The following CLYBL variants were observed in gnomAD, a reference collection of about 807,000 sequenced individuals.
The protein encoded by CLYBL is citramalyl-CoA lyase, mitochondrial.
CLYBL carries 31 observed loss-of-function variants against 38.9 expected under a neutral mutation model. The observed-to-expected ratio is 0.80, with a 90% CI of 0.60 to 1.08. The LOEUF is 1.08. Among genes scored for constraint, CLYBL ranks in the 50% least tolerant of loss-of-function variants. CLYBL has a pLI of 0.00. For missense variants in CLYBL, 434 were observed against 411.6 expected (o/e 1.05, Z -0.47); for synonymous variants, 171 against 158.6 (o/e 1.08, Z -0.59).
rs374907881 is a variant in CLYBL, at chr13:99,606,736, C to T, written c.41C>T (p.Ala14Val). 7.0e-5 allele frequency: 104 copies of T among 1,485,828 alleles called. No homozygotes were observed. Among genetic ancestry groups the T allele is most frequent in the African/African-American group, 1.2e-4 (8 of 68,130 alleles). The allele number at this position is 1,485,828 out of a possible 1,614,324, so 92.0% of individuals were successfully genotyped here. Residue 14 changes from alanine (A) to valine (V), a missense_variant, in exon 1 of 9, where the codon GCG becomes GTG. Ala to Val is a moderately conservative substitution (Grantham distance 64, BLOSUM62 0). Coordinates refer to ENST00000339105, the MANE Select transcript of CLYBL (RefSeq NM_206808.5). ...RLLRRAARGA[A>V]AAALLRLKAS... ...CTGCGGAGGGCGGCGCGCGGAGCTG[C>T]GGCGGCGGCGCTGCTGAGGCTGTGA...
Position 99,762,773 on chromosome 13 carries a change from A to G in CLYBL, c.63-10051A>G, listed in dbSNP as rs35699728. On this transcript the variant is annotated intron_variant, in intron 1 of 8. Transcript: ENST00000339105. ...TGCTTTAAGTAGTCTTGTCATTTTA[A>G]TGATATTAAAGCTGTGAACATAGAT... Among the ~76,000 whole-genome samples, 469 of 152,308 alleles carry G rather than the reference A, an allele frequency of 3.1e-3. 1 individual carries two copies. The highest frequency in any genetic ancestry group is 0.016 in the South Asian group (76 of 4,820).
intron 1 of CLYBL, among the ~76,000 whole-genome samples, chr13:99,734,992 G>A (rs765189985): frequency 6.6e-6 from 1 of 152,028 alleles, no homozygotes; most frequent in Non-Finnish European, 1.5e-5. Context: ...CTATACCAGC[G>A]CATATATAAC....
chr13:99,870,765 GC>G (rs1264733172), intron 6 of CLYBL, among the ~76,000 whole-genome samples, 172 bp from the exon 7 acceptor site: 1 of 152,158 alleles, frequency 6.6e-6, no homozygotes, highest in Non-Finnish European at 1.5e-5. Context: ...TTCTGGAAAA[GC>G]CTGTCTGATT....
chr13:99,768,486 C>T (rs1427672648), intron 1 of CLYBL, among the ~76,000 whole-genome samples: 2 of 143,168 alleles, frequency 1.4e-5, no homozygotes, highest in African/African-American at 5.2e-5. Context: ...AGCCACTGCG[C>T]CCGACCTCTT....
intron 1 of CLYBL, among the ~76,000 whole-genome samples, chr13:99,687,315 A>G (rs569580964): frequency 6.6e-6 from 1 of 152,264 alleles, no homozygotes; most frequent in South Asian, 2.1e-4. Flanking sequence ...ACCTTTTACA[A>G]TCAGCTCTGT....
chr13:99,607,384 CAT>C (rs2046544138), intron 1 of CLYBL, among the ~76,000 whole-genome samples: 1 of 152,120 alleles, frequency 6.6e-6, no homozygotes, highest in Non-Finnish European at 1.5e-5. Flanking sequence ...GCTGGAGTCT[CAT>C]ATCAGCTGTT....
Position 99,865,351 on chromosome 13 carries a change from G to A in CLYBL, c.634+440G>A, listed in dbSNP as rs144650560. 6 of 244,572 alleles carry A rather than the reference G, an allele frequency of 2.5e-5. No individual in the cohort carries two copies. The highest frequency in any genetic ancestry group is 1.1e-4 in the African/African-American group (5 of 43,810). The allele number at this position is 244,572 out of a possible 1,614,324, so 15.2% of individuals were successfully genotyped here. A position where few individuals can be genotyped will look rare whatever the true frequency, so the allele number is the denominator to read the frequency against. ...ATGAATTGTTTTCTACAGAATATGCGGTAGGTAAATATTATTTTAAATGGA... is the reference window on the plus strand; with the variant it reads ...ATGAATTGTTTTCTACAGAATATGCAGTAGGTAAATATTATTTTAAATGGA... On this transcript the variant is annotated intron_variant, in intron 5 of 8. Coordinates refer to ENST00000339105, the MANE Select transcript of CLYBL (RefSeq NM_206808.5). The surrounding 1 kb of genome is among the most constrained non-coding windows in gnomAD (Gnocchi z 4.7).
chr13:99,759,742 A>G (rs2049131041), intron 1 of CLYBL, among the ~76,000 whole-genome samples: 1 of 152,202 alleles, frequency 6.6e-6, no homozygotes, highest in South Asian at 2.1e-4. Context: ...ATGAGCTTTC[A>G]TCTGTGAGAA....
At chr13:99,825,126 G>T (rs1433269385) in intron 2 of CLYBL, among the ~76,000 whole-genome samples, 1 of 152,204 alleles carries the variant, frequency 6.6e-6, no homozygotes, top group Non-Finnish European at 1.5e-5. Context: ...TCCTGGCCAT[G>T]TTCATGTAAT....
intron 2 of CLYBL, among the ~76,000 whole-genome samples, chr13:99,820,466 A>G (rs1317768165): frequency 6.8e-6 from 1 of 147,866 alleles, no homozygotes; most frequent in Non-Finnish European, 1.5e-5. Flanking sequence ...CTGTTTGCCT[A>G]CCTCCCCCCG....
At chr13:99,647,263 A>G (rs746342520) in intron 1 of CLYBL, among the ~76,000 whole-genome samples, 3 of 152,242 alleles carry the variant, frequency 2.0e-5, no homozygotes, top group African/African-American at 7.2e-5. Context: ...AACAATAGGT[A>G]GGACACAAGC....
At chr13:99,613,150 T>C (rs61361629) in intron 1 of CLYBL, among the ~76,000 whole-genome samples, 26,480 of 152,060 alleles carry the variant, frequency 0.17, 3,145 homozygotes, top group African/African-American at 0.34. Context: ...TCATTTCTTA[T>C]GTTGATACTC....
intron 1 of CLYBL, among the ~76,000 whole-genome samples, chr13:99,727,771 T>C (rs1594142333): frequency 6.6e-6 from 1 of 152,156 alleles, no homozygotes; most frequent in South Asian, 2.1e-4. Context: ...ATAGATACCT[T>C]TTGGTCTCTA....
intron 2 of CLYBL, among the ~76,000 whole-genome samples, chr13:99,845,972 T>TAA (rs10677824): frequency 0.047 from 6,925 of 147,910 alleles, 511 homozygotes; most frequent in African/African-American, 0.16. Flanking sequence ...ATTTGCCACC[T>TAA]AAAAAAAAAA....
At chr13:99,851,759 G>C (rs1164178223) in intron 2 of CLYBL, among the ~76,000 whole-genome samples, 4 of 152,174 alleles carry the variant, frequency 2.6e-5, no homozygotes, top group Admixed American at 1.3e-4. Context: ...AACTGGCTTA[G>C]CCACTTTGGA....
intron 2 of CLYBL, among the ~76,000 whole-genome samples, chr13:99,792,650 A>G (rs1054166144): frequency 6.6e-6 from 1 of 151,086 alleles, no homozygotes. Context: ...GCCAAGGCCT[A>G]AAAGAAGGTG....
chr13:99,650,534 C>G (rs1222256003), intron 1 of CLYBL, among the ~76,000 whole-genome samples: 1 of 152,220 alleles, frequency 6.6e-6, no homozygotes. Context: ...CAAATTCTCA[C>G]TGGCAGCAAC....
At chr13:99,668,888 C>G (rs2047523217) in intron 1 of CLYBL, among the ~76,000 whole-genome samples, 2 of 152,084 alleles carry the variant, frequency 1.3e-5, no homozygotes, top group South Asian at 4.1e-4. Context: ...GTGAAGAGTG[C>G]AGAAGCCAGA....
intron 1 of CLYBL, among the ~76,000 whole-genome samples, chr13:99,767,333 G>A (rs1369104635): frequency 1.8e-4 from 28 of 152,212 alleles, no homozygotes; most frequent in African/African-American, 6.5e-4. Context: ...TGTTGGGGAG[G>A]GGTGGGTACT....
Sources: gnomAD v4.1 joint callset for allele counts (sites outside exome capture counted in the v4.1 genomes callset) on GRCh38, gnomAD v4.1.1 for gene constraint, Gnocchi (gnomAD v3.1) non-coding constraint, MANE v1.5 for transcripts, NCBI Gene and HGNC (gene_info 2026-07-23, HGNC 2026-07-21) for gene names.